Variants in CD84 observed in about 807,000 individuals in gnomAD.
The protein encoded by CD84 is CD84 molecule.
Under a neutral mutation model 33.8 loss-of-function variants are expected in CD84, and 22 were observed. The observed-to-expected ratio is 0.65, with a 90% CI of 0.46 to 0.93. The LOEUF (loss-of-function observed/expected upper bound fraction) is 0.93. CD84 is among the 40% of genes least tolerant of loss of function. The probability of loss-of-function intolerance (pLI) is 0.00; values close to 1 mark genes in which losing one functional copy is unlikely to be tolerated. For synonymous variants in CD84, 154 were observed against 145.2 expected (o/e 1.06, Z -0.44); for missense variants, 400 against 397.6 (o/e 1.01, Z -0.05).
chr1:160,548,203 C>T lies in CD84; in HGVS notation c.*53G>A. ...AGAAGATCTGGATCCAGGGAACCTG[C>T]CAGTATTGGTGGTTGTAACTCAGTT... On this transcript the variant is annotated 3_prime_UTR_variant, in exon 7 of 7. Coordinates refer to ENST00000368054, the MANE Select transcript of CD84 (RefSeq NM_003874.4). 6.3e-7 allele frequency: 1 copy of T among 1,579,804 alleles called. No homozygotes were observed. Among genetic ancestry groups the T allele is most frequent in the South Asian group, 1.1e-5 (1 of 90,274 alleles).
At chr1:160,556,415 G>T (rs543298182) in intron 2 of CD84, among the ~76,000 whole-genome samples, 1 of 152,132 alleles carries the variant, frequency 6.6e-6, no homozygotes, top group African/African-American at 2.4e-5. Flanking sequence ...AAATACAATT[G>T]TTGTGAGGAT....
intron 2 of CD84, among the ~76,000 whole-genome samples, chr1:160,555,767 A>G (rs894473852): frequency 7.1e-6 from 1 of 141,514 alleles, no homozygotes; most frequent in African/African-American, 3.2e-5. Flanking sequence ...ACTGGTGCAC[A>G]ACTAGAAAGG....
Position 160,543,602 on chromosome 1 carries a change from T to TTATTTATTATTATTA in CD84, c.*4653_*4654insTAATAATAATAAATA, listed in dbSNP as rs1553230402. 15 of 142,702 alleles carry TTATTTATTATTATTA rather than the reference T, an allele frequency of 1.1e-4. No individual in the cohort carries two copies. The highest frequency in any genetic ancestry group is 3.4e-4 in the African/African-American group (13 of 38,740). 8.8% of individuals were successfully genotyped at this position (142,702 alleles called of 1,614,324 possible). A position where few individuals can be genotyped will look rare whatever the true frequency, so the allele number is the denominator to read the frequency against. On this transcript the variant is annotated 3_prime_UTR_variant, in exon 7 of 7. Coordinates refer to ENST00000368054, the MANE Select transcript of CD84 (RefSeq NM_003874.4). ...ATCTTCAAGGAGCTCTCCATTATTA[T>TTATTTATTATTATTA]TTATTATTATTATTATTATTATTAT...
At chr1:160,548,841 G>T (rs1571343914) in intron 6 of CD84, among the ~76,000 whole-genome samples, 1 of 152,168 alleles carries the variant, frequency 6.6e-6, no homozygotes, top group East Asian at 1.9e-4. Context: ...TTGTCTTTAA[G>T]GATTTATCTT....
At chr1:160,575,551 T>C (rs1571391760) in intron 1 of CD84, among the ~76,000 whole-genome samples, 1 of 151,396 alleles carries the variant, frequency 6.6e-6, no homozygotes, top group East Asian at 1.9e-4. Flanking sequence ...CATGAGATCA[T>C]AGCCATCCGT....
At chr1:160,554,381 A>G (rs1280112733) in intron 2 of CD84, among the ~76,000 whole-genome samples, 1 of 152,148 alleles carries the variant, frequency 6.6e-6, no homozygotes, top group Non-Finnish European at 1.5e-5. Flanking sequence ...ATCTACATCT[A>G]TTGTATCTGT....
At position 160,553,487 on chromosome 1, in the gene CD84, C is replaced by T. The variant is rs1656383239; in HGVS notation, c.651G>A (p.Met217Ile). The change falls in exon 4 of 7, where the codon ATG becomes ATA. Residue 217 changes from methionine (M) to isoleucine (I), a missense_variant. Transcript: ENST00000368054. ...SARQLCADIA[M>I]GFRTHHTGLL... ...ACCCGGTGTGGTGAGTACGGAAGCCCATTGCGATGTCTGGAAATAGAAGAT... is the reference window on the plus strand; with the variant it reads ...ACCCGGTGTGGTGAGTACGGAAGCCTATTGCGATGTCTGGAAATAGAAGAT... 1.9e-6 allele frequency: 3 copies of T among 1,614,042 alleles called. No individual in the cohort carries two copies. The highest frequency in any genetic ancestry group is 2.5e-6 in the Non-Finnish European group (3 of 1,179,992).
chr1:160,573,847 A>G (rs1045609706), intron 1 of CD84, among the ~76,000 whole-genome samples: 2 of 152,164 alleles, frequency 1.3e-5, no homozygotes, highest in Non-Finnish European at 2.9e-5. Context: ...TCCTCCAAGA[A>G]CTAGTGGATG....
At position 160,545,368 on chromosome 1, in the gene CD84, A is replaced by T. The variant is rs1251201416; in HGVS notation, c.*2888T>A. 6.6e-6 allele frequency: 1 copy of T among 152,262 alleles called. No homozygotes were observed. The highest frequency in any genetic ancestry group is 1.5e-5 in the Non-Finnish European group (1 of 68,050). The allele number at this position is 152,262 out of a possible 1,614,324, so 9.4% of individuals were successfully genotyped here. ...ATGTTTGGGAATGAGTCTTCAACGC[A>T]TCCACAGAGTGAGGAGTGGTTTTAT... On this transcript the variant is annotated 3_prime_UTR_variant, in exon 7 of 7. Coordinates refer to ENST00000368054, the MANE Select transcript of CD84 (RefSeq NM_003874.4).
At chr1:160,555,907 A>G (rs572081824) in intron 2 of CD84, among the ~76,000 whole-genome samples, 2 of 152,342 alleles carry the variant, frequency 1.3e-5, no homozygotes, top group African/African-American at 4.8e-5. Flanking sequence ...TGGTCCTAAC[A>G]ATCTTTTAGA....
At chr1:160,551,438 A>G (rs60826482) in intron 4 of CD84, 5,143 of 209,094 alleles carry the variant, frequency 0.025, 289 homozygotes, top group African/African-American at 0.12. Context: ...GTTATATACT[A>G]TTTTACATTC....
chr1:160,542,913 G>A lies in CD84; in HGVS notation c.*5343C>T, dbSNP rs769099500. On this transcript the variant is annotated 3_prime_UTR_variant, in exon 7 of 7. Transcript: ENST00000368054. ...GCTTATTTAAGTCTAAACATGCACAGTTGTTTTTTTTAACCACTAAATTGT... is the reference window on the plus strand; with the variant it reads ...GCTTATTTAAGTCTAAACATGCACAATTGTTTTTTTTAACCACTAAATTGT... The A allele has an allele frequency of 6.6e-6, 1 of 151,782 alleles. No individual in the cohort carries two copies. The highest frequency in any genetic ancestry group is 1.5e-5 in the Non-Finnish European group (1 of 68,024). The allele number at this position is 151,782 out of a possible 1,614,324, so 9.4% of individuals were successfully genotyped here. A position where few individuals can be genotyped will look rare whatever the true frequency, so the allele number is the denominator to read the frequency against.
intron 1 of CD84, among the ~76,000 whole-genome samples, chr1:160,570,037 G>A (rs971574682): frequency 6.6e-6 from 1 of 152,126 alleles, no homozygotes. Flanking sequence ...GCATCAGAGA[G>A]GCCATTTAGG....
intron 2 of CD84, 90 bp downstream of exon 2, chr1:160,565,314 G>T: frequency 3.3e-6 from 3 of 906,204 alleles, no homozygotes; most frequent in South Asian, 3.4e-5. Flanking sequence ...AGATTTAGGG[G>T]ACCCAATTAT....
intron 2 of CD84, among the ~76,000 whole-genome samples, chr1:160,564,225 AC>A (rs1657176468): frequency 6.6e-6 from 1 of 152,282 alleles, no homozygotes; most frequent in East Asian, 1.9e-4. Context: ...TCAAATTAAA[AC>A]TAAATTGAGT....
intron 1 of CD84, among the ~76,000 whole-genome samples, chr1:160,567,649 A>C (rs1657414833): frequency 6.6e-6 from 1 of 152,214 alleles, no homozygotes; most frequent in African/African-American, 2.4e-5. Flanking sequence ...CACAAGTGAA[A>C]GACAATACAA....
chr1:160,573,191 T>G (rs181541747), intron 1 of CD84, among the ~76,000 whole-genome samples: 33 of 152,174 alleles, frequency 2.2e-4, no homozygotes, highest in East Asian at 2.1e-3. Flanking sequence ...CCCATATATA[T>G]AGATTGTATA....
rs1231993511 is a variant in CD84, at chr1:160,543,581, T to C, written c.*4675A>G. ...AATGATTCTTACAGGCTCCCTATCT[T>C]CAAGGAGCTCTCCATTATTATTTAT... On this transcript the variant is annotated 3_prime_UTR_variant, in exon 7 of 7. Transcript: ENST00000368054. 6.7e-6 allele frequency: 1 copy of C among 148,916 alleles called. No individual in the cohort carries two copies. Among genetic ancestry groups the C allele is most frequent in the Admixed American group, 6.8e-5 (1 of 14,796 alleles). 9.2% of individuals were successfully genotyped at this position (148,916 alleles called of 1,614,324 possible). A position where few individuals can be genotyped will look rare whatever the true frequency, so the allele number is the denominator to read the frequency against.
At chr1:160,578,191 T>C (rs1055405706) in intron 1 of CD84, among the ~76,000 whole-genome samples, 1 of 152,224 alleles carries the variant, frequency 6.6e-6, no homozygotes, top group Admixed American at 6.5e-5. Context: ...TCTATCTTGC[T>C]CATCTCAATG....
Sources: allele counts gnomAD v4.1 joint callset (sites outside exome capture counted in the v4.1 genomes callset), GRCh38; gene constraint gnomAD v4.1.1; transcripts MANE v1.5; gene names NCBI Gene and HGNC (gene_info 2026-07-23, HGNC 2026-07-21).